GALNT17: variants seen among roughly 807,000 people sequenced by gnomAD.
GALNT17 encodes UDP-GalNAc:polypeptide N-acetylgalactosaminyltransferase-like 3.
A neutral mutation model predicts 63.7 loss-of-function variants in GALNT17; 29 were observed. That is an observed-to-expected ratio of 0.46 (90% CI 0.34 to 0.62). The LOEUF is 0.62. GALNT17 is among the 20% of genes least tolerant of loss of function. GALNT17 has a pLI of 0.01. For synonymous variants in GALNT17, 305 were observed against 318.3 expected (o/e 0.96, Z 0.45); for missense variants, 603 against 799.6 (o/e 0.75, Z 2.97).
At chr7:71,539,075 C>T (rs1788845741) in intron 5 of GALNT17, among the ~76,000 whole-genome samples, 3 of 152,142 alleles carry the variant, frequency 2.0e-5, no homozygotes, top group South Asian at 4.1e-4. Context: ...GGATTCCAGG[C>T]GTGAGCCACC....
At chr7:71,699,479 AAAAAAAAAAACCCAAAAAAC>A (rs918886697) in intron 9 of GALNT17, among the ~76,000 whole-genome samples, 2 of 151,612 alleles carry the variant, frequency 1.3e-5, no homozygotes, top group African/African-American at 4.8e-5. Flanking sequence ...CTGTCTCAAA[AAAAAAAAAAACCCAAAAAAC>A]AAAAAAAAAA....
intron 1 of GALNT17, among the ~76,000 whole-genome samples, chr7:71,301,427 A>G (rs1046972632): frequency 6.8e-6 from 1 of 147,762 alleles, no homozygotes; most frequent in Non-Finnish European, 1.5e-5. Context: ...ATAATAAAAT[A>G]TATAACATAT....
rs1789364086 is a variant in GALNT17 at position 71,210,963 on chromosome 7, C to T, written c.238+77923C>T. On this transcript the variant is annotated intron_variant, in intron 1 of 10. Coordinates refer to ENST00000333538, the MANE Select transcript of GALNT17 (RefSeq NM_022479.3). Reference sequence around the variant, plus strand: ...TGCTGCTAAATTTTTTTCTCCCCTGCTCTGTATTTCCAAAAATATTTTTGG... The same window carrying T: ...TGCTGCTAAATTTTTTTCTCCCCTGTTCTGTATTTCCAAAAATATTTTTGG... Among the ~76,000 whole-genome samples, 2 of 152,176 alleles carry T rather than the reference C, an allele frequency of 1.3e-5. 1 individual carries two copies. The highest frequency in any genetic ancestry group is 2.9e-5 in the Non-Finnish European group (2 of 68,016).
chr7:71,252,632 G>A (rs1790219869), intron 1 of GALNT17, among the ~76,000 whole-genome samples: 2 of 152,144 alleles, frequency 1.3e-5, no homozygotes, highest in Admixed American at 1.3e-4. Flanking sequence ...ATATTGACAT[G>A]TTAAGTTGGG....
At chr7:71,311,998 G>C (rs1280850145) in intron 1 of GALNT17, among the ~76,000 whole-genome samples, 1 of 152,198 alleles carries the variant, frequency 6.6e-6, no homozygotes, top group Non-Finnish European at 1.5e-5. Flanking sequence ...ATGTCCATGA[G>C]TGCCGTGACA....
At chr7:71,239,449 A>C (rs915167788) in intron 1 of GALNT17, among the ~76,000 whole-genome samples, 3 of 152,226 alleles carry the variant, frequency 2.0e-5, no homozygotes, top group Non-Finnish European at 2.9e-5. Context: ...CCCAGCCTAG[A>C]CAACAGAGAG....
chr7:71,684,722 G>C (rs1378624174), intron 9 of GALNT17, among the ~76,000 whole-genome samples: 1 of 152,110 alleles, frequency 6.6e-6, no homozygotes, highest in African/African-American at 2.4e-5. Context: ...GAGTACAGTG[G>C]TGCAATCATA....
intron 6 of GALNT17, among the ~76,000 whole-genome samples, chr7:71,656,613 G>A (rs1790831999): frequency 6.6e-6 from 1 of 152,142 alleles, no homozygotes; most frequent in South Asian, 2.1e-4. Context: ...AGTGGTGGCT[G>A]TGGTCCAGGT....
At chr7:71,271,228 T>C (rs1790582826) in intron 1 of GALNT17, among the ~76,000 whole-genome samples, 2 of 152,228 alleles carry the variant, frequency 1.3e-5, no homozygotes. Flanking sequence ...CAATAGCCCA[T>C]AGTTAGGGCC....
intron 6 of GALNT17, among the ~76,000 whole-genome samples, chr7:71,579,015 G>C (rs1224959591): frequency 2.0e-5 from 3 of 152,206 alleles, no homozygotes; most frequent in Non-Finnish European, 2.9e-5. Flanking sequence ...GTCCATCCCA[G>C]AGAGGACCAG....
chr7:71,643,280 C>G (rs1294325117), intron 6 of GALNT17, among the ~76,000 whole-genome samples: 1 of 152,056 alleles, frequency 6.6e-6, no homozygotes, highest in Non-Finnish European at 1.5e-5. Flanking sequence ...CCAGCCTGGC[C>G]AACATGGGGA....
intron 2 of GALNT17, among the ~76,000 whole-genome samples, chr7:71,362,822 C>T (rs908221383): frequency 3.9e-5 from 6 of 152,122 alleles, no homozygotes; most frequent in African/African-American, 9.7e-5. Flanking sequence ...GTTCAAAGGG[C>T]GACTCAGGTC....
chr7:71,188,948 T>A (rs1213871305), intron 1 of GALNT17, among the ~76,000 whole-genome samples: 4 of 152,172 alleles, frequency 2.6e-5, no homozygotes, highest in Non-Finnish European at 5.9e-5. Flanking sequence ...CTTGGTATAT[T>A]GATTGCTGCT....
intron 5 of GALNT17, among the ~76,000 whole-genome samples, chr7:71,490,969 G>A (rs976661087): frequency 2.0e-4 from 30 of 152,226 alleles, no homozygotes; most frequent in African/African-American, 6.7e-4. Context: ...CGAGGCAGGC[G>A]GATCACCTGA....
chr7:71,398,971 G>C (rs1036421695), intron 3 of GALNT17, among the ~76,000 whole-genome samples: 1 of 152,148 alleles, frequency 6.6e-6, no homozygotes, highest in Non-Finnish European at 1.5e-5. Context: ...GGTGGCTCAC[G>C]CCTGTAATCC....
At chr7:71,235,662 G>T (rs1789874844) in intron 1 of GALNT17, among the ~76,000 whole-genome samples, 1 of 152,144 alleles carries the variant, frequency 6.6e-6, no homozygotes, top group African/African-American at 2.4e-5. Flanking sequence ...ACCGCATTCA[G>T]GCTCCCAGTG....
At chr7:71,461,649 G>T (rs12536772) in intron 5 of GALNT17, among the ~76,000 whole-genome samples, 18,930 of 152,180 alleles carry the variant, frequency 0.12, 1,851 homozygotes, top group East Asian at 0.54. Flanking sequence ...TAAAAAGTCA[G>T]AAATGAGACC....
chr7:71,662,332 A>ATCTGTCTG (rs66585053), intron 6 of GALNT17, among the ~76,000 whole-genome samples: 1 of 151,110 alleles, frequency 6.6e-6, no homozygotes, highest in African/African-American at 2.4e-5. Context: ...CTATCTATCT[A>ATCTGTCTG]TCTGTCTGTC....
At chr7:71,492,898 T>C (rs1357111839) in intron 5 of GALNT17, among the ~76,000 whole-genome samples, 3 of 152,114 alleles carry the variant, frequency 2.0e-5, no homozygotes, top group Non-Finnish European at 4.4e-5. Context: ...CTGTGGAAGA[T>C]TTGGGGGCCA....
Sources: allele counts gnomAD v4.1 joint callset (sites outside exome capture counted in the v4.1 genomes callset), GRCh38; gene constraint gnomAD v4.1.1; transcripts MANE v1.5; gene names NCBI Gene and HGNC (gene_info 2026-07-23, HGNC 2026-07-21).